The following PTPRM variants were observed in gnomAD, a reference collection of about 807,000 sequenced individuals.
The protein encoded by PTPRM is protein tyrosine phosphatase receptor type M.
A neutral mutation model predicts 186.7 loss-of-function variants in PTPRM; 47 were observed. The observed-to-expected ratio is 0.25, with a 90% confidence interval of 0.20 to 0.32. PTPRM has a LOEUF of 0.32. Among genes scored for constraint, PTPRM ranks in the 10% least tolerant of loss-of-function variants. PTPRM has a pLI of 1.00. For synonymous variants in PTPRM, 668 were observed against 674.9 expected (o/e 0.99, Z 0.16); for missense variants, 1,494 against 1,865.0 (o/e 0.80, Z 3.66).
chr18:8,061,516 A>G (rs1600327110), intron 7 of PTPRM, among the ~76,000 whole-genome samples: 1 of 93,008 alleles, frequency 1.1e-5, no homozygotes, highest in Non-Finnish European at 2.2e-5. Flanking sequence ...TTAGCTGGTT[A>G]TTTTGCTCGT....
At chr18:7,653,099 CAG>C (rs1202867388) in intron 1 of PTPRM, among the ~76,000 whole-genome samples, 1 of 149,644 alleles carries the variant, frequency 6.7e-6, no homozygotes, top group African/African-American at 2.5e-5. Flanking sequence ...GAAATTAAAA[CAG>C]AGATACCACT....
At chr18:8,240,948 A>G (rs1246457361) in intron 14 of PTPRM, among the ~76,000 whole-genome samples, 1 of 152,246 alleles carries the variant, frequency 6.6e-6, no homozygotes, top group African/African-American at 2.4e-5. Context: ...CCCTGTGTCA[A>G]CAGCTTTGTG....
intron 1 of PTPRM, among the ~76,000 whole-genome samples, chr18:7,691,396 T>A (rs1411072504): frequency 2.0e-5 from 3 of 152,186 alleles, no homozygotes; most frequent in Non-Finnish European, 4.4e-5. Context: ...TTTTCTCTTA[T>A]CTCAAGTGAC....
intron 7 of PTPRM, among the ~76,000 whole-genome samples, chr18:8,052,734 G>A (rs998245372): frequency 6.6e-6 from 1 of 152,126 alleles, no homozygotes; most frequent in Non-Finnish European, 1.5e-5. Context: ...TGTATTCTAA[G>A]GTTAGCTTTA....
Position 8,173,974 on chromosome 18 carries a change from G to A in PTPRM, c.2300+30195G>A, listed in dbSNP as rs769602135. ...CCCAGCTACTCTGGAAGCTGAGGCA[G>A]GAGAATCTCTTGACCTGGGAAGCAG... On this transcript the variant is annotated intron_variant, in intron 14 of 32. Coordinates refer to ENST00000580170, the MANE Select transcript of PTPRM (RefSeq NM_001105244.2). 1.4e-4 allele frequency among the ~76,000 whole-genome samples: 21 copies of A among 151,926 alleles called. 1 individual carries two copies. The highest frequency in any genetic ancestry group is 1.4e-3 in the Admixed American group (21 of 15,242).
At chr18:8,340,564 G>T (rs2148238611) in intron 22 of PTPRM, among the ~76,000 whole-genome samples, 1 of 152,266 alleles carries the variant, frequency 6.6e-6, no homozygotes, top group South Asian at 2.1e-4. Context: ...CAGCCGCAGA[G>T]GTGAGGTGGC....
At chr18:8,339,771 TG>T (rs1226312909) in intron 22 of PTPRM, among the ~76,000 whole-genome samples, 3 of 152,130 alleles carry the variant, frequency 2.0e-5, no homozygotes, top group Non-Finnish European at 4.4e-5. Flanking sequence ...CAGGAGCTGC[TG>T]AATCCAAATG....
intron 3 of PTPRM, among the ~76,000 whole-genome samples, chr18:7,895,891 GAA>G (rs1327414068): frequency 3.3e-5 from 5 of 152,124 alleles, no homozygotes; most frequent in African/African-American, 9.7e-5. Context: ...ATAGAATTTT[GAA>G]AAGTTTCTTA....
At chr18:7,840,089 G>GA (rs2037252566) in intron 2 of PTPRM, among the ~76,000 whole-genome samples, 1 of 133,894 alleles carries the variant, frequency 7.5e-6, no homozygotes, top group Non-Finnish European at 1.6e-5. Flanking sequence ...GGTGGAGGTG[G>GA]GGGGGGAGGG....
At chr18:8,333,313 T>A (rs1427789014) in intron 22 of PTPRM, among the ~76,000 whole-genome samples, 1 of 152,216 alleles carries the variant, frequency 6.6e-6, no homozygotes, top group African/African-American at 2.4e-5. Flanking sequence ...TAAGTGATGT[T>A]AAGGATTATT....
chr18:8,305,197 T>G (rs1167388234), intron 20 of PTPRM, among the ~76,000 whole-genome samples: 1 of 152,210 alleles, frequency 6.6e-6, no homozygotes, highest in Non-Finnish European at 1.5e-5. Context: ...CCACCATTCT[T>G]CAGTCTCCTG....
At chr18:8,236,729 A>G (rs2094349760) in intron 14 of PTPRM, among the ~76,000 whole-genome samples, 1 of 151,930 alleles carries the variant, frequency 6.6e-6, no homozygotes, top group African/African-American at 2.4e-5. Flanking sequence ...TTTGGTAGAG[A>G]CAGGGTTTCA....
intron 7 of PTPRM, among the ~76,000 whole-genome samples, chr18:7,994,265 A>AACAC (rs71165762): frequency 0.013 from 1,868 of 149,000 alleles, 35 homozygotes; most frequent in African/African-American, 0.04. Context: ...GGATATAAAT[A>AACAC]ACACACACAC....
At chr18:7,946,982 G>C (rs1231194315) in intron 5 of PTPRM, 1 of 456,136 alleles carries the variant, frequency 2.2e-6, no homozygotes, top group Non-Finnish European at 4.4e-6. Flanking sequence ...CATCCTGTGA[G>C]TTTTACAGCA....
At chr18:8,187,607 A>G (rs566438696) in intron 14 of PTPRM, among the ~76,000 whole-genome samples, 2 of 152,230 alleles carry the variant, frequency 1.3e-5, no homozygotes, top group African/African-American at 4.8e-5. Context: ...GGAGGCCAGT[A>G]TGGCTTCAGA....
intron 2 of PTPRM, among the ~76,000 whole-genome samples, chr18:7,817,164 AG>A (rs1369407937): frequency 6.6e-6 from 1 of 151,918 alleles, no homozygotes; most frequent in Non-Finnish European, 1.5e-5. Context: ...TACTAGAAAC[AG>A]GGTTTTGCCA....
At chr18:7,575,043 A>G (rs2036655081) in intron 1 of PTPRM, among the ~76,000 whole-genome samples, 1 of 152,190 alleles carries the variant, frequency 6.6e-6, no homozygotes, top group Non-Finnish European at 1.5e-5. Context: ...AAAAACAGAA[A>G]AAAATAATGA....
At chr18:7,652,854 GTAAC>G (rs1405376551) in intron 1 of PTPRM, among the ~76,000 whole-genome samples, 4 of 151,832 alleles carry the variant, frequency 2.6e-5, no homozygotes, top group Non-Finnish European at 4.4e-5. Flanking sequence ...GTATACATAT[GTAAC>G]TAACCTGCAC....
chr18:8,368,044 T>G (rs1448071148), intron 23 of PTPRM, among the ~76,000 whole-genome samples: 2 of 152,118 alleles, frequency 1.3e-5, no homozygotes, highest in Admixed American at 1.3e-4. Flanking sequence ...AAATGAATTT[T>G]TAAAGTGTAT....
Sources: gnomAD v4.1 joint callset for allele counts (sites outside exome capture counted in the v4.1 genomes callset) on GRCh38, gnomAD v4.1.1 for gene constraint, MANE v1.5 for transcripts, NCBI Gene and HGNC (gene_info 2026-07-23, HGNC 2026-07-21) for gene names.